AFAP1: variants seen among roughly 807,000 people sequenced by gnomAD.
The protein encoded by AFAP1 is actin filament-associated protein 1.
Under a neutral mutation model 93.9 loss-of-function variants are expected in AFAP1, and 75 were observed. That is an observed-to-expected ratio of 0.80 (90% CI 0.66 to 0.97). The LOEUF (loss-of-function observed/expected upper bound fraction) is 0.97. AFAP1 is among the 50% of genes least tolerant of loss of function. The pLI is 0.00. For synonymous variants in AFAP1, 517 were observed against 430.7 expected (o/e 1.20, Z -2.48); for missense variants, 1,201 against 1,050.8 (o/e 1.14, Z -1.98).
rs149786984 is a variant in AFAP1 at position 7,856,418 on chromosome 4, T to C, written c.226-844A>G. Among the ~76,000 whole-genome samples, 1,427 of 152,216 alleles carry C rather than the reference T, an allele frequency of 9.4e-3. 23 individuals carry two copies. The highest frequency in any genetic ancestry group is 0.033 in the African/African-American group (1,366 of 41,538). On this transcript the variant is annotated intron_variant, in intron 3 of 17. Coordinates refer to ENST00000420658, the MANE Select transcript of AFAP1 (RefSeq NM_001134647.2). ...CCACCACACCCGGCTAATTTTTGTA[T>C]TTTTAGTAGAGACAGGGTTTCACCG...
chr4:7,866,990 G>C (rs187579201), intron 3 of AFAP1, among the ~76,000 whole-genome samples: 84 of 150,500 alleles, frequency 5.6e-4, no homozygotes, highest in Non-Finnish European at 1.1e-3. Flanking sequence ...AGTGAGCTAT[G>C]AATGTGCCAA....
intron 16 of AFAP1, among the ~76,000 whole-genome samples, chr4:7,770,741 CCACT>C (rs1306092069): frequency 3.9e-5 from 6 of 152,150 alleles, no homozygotes; most frequent in African/African-American, 1.4e-4. Flanking sequence ...CCCAGCCCCT[CCACT>C]CAAACAGAAC....
intron 1 of AFAP1, among the ~76,000 whole-genome samples, chr4:7,931,220 G>A (rs894617203): frequency 5.9e-5 from 9 of 152,142 alleles, no homozygotes; most frequent in African/African-American, 2.2e-4. Context: ...CAAGGAACAG[G>A]GATCAGGGTG....
intron 12 of AFAP1, 115 bp from the exon 13 acceptor site, chr4:7,781,742 C>A: frequency 2.3e-6 from 3 of 1,322,338 alleles, no homozygotes; most frequent in Non-Finnish European, 3.1e-6. Flanking sequence ...GGCACCCCAA[C>A]ACTCTCCTGC....
chr4:7,759,250 A>G lies in AFAP1; in HGVS notation c.*4515T>C, dbSNP rs1379199060. Reference sequence around the variant, plus strand: ...CTTATGATCTGAAGATGTCCTTTTGAAAGTATCTTCCATGGCTACACTAAA... The same window carrying G: ...CTTATGATCTGAAGATGTCCTTTTGGAAGTATCTTCCATGGCTACACTAAA... On this transcript the variant is annotated 3_prime_UTR_variant, in exon 18 of 18. Transcript: ENST00000420658. The G allele has an allele frequency of 1.3e-5, 2 of 152,656 alleles. No individual in the cohort carries two copies. The highest frequency in any genetic ancestry group is 2.9e-5 in the Non-Finnish European group (2 of 68,042). 9.5% of individuals were successfully genotyped at this position (152,656 alleles called of 1,614,324 possible).
chr4:7,882,489 A>G (rs1327834337), intron 1 of AFAP1, among the ~76,000 whole-genome samples: 1 of 152,110 alleles, frequency 6.6e-6, no homozygotes, highest in African/African-American at 2.4e-5. Context: ...TCCTTACATC[A>G]GTGCAAATAT....
chr4:7,858,396 A>G (rs954418298), intron 3 of AFAP1, among the ~76,000 whole-genome samples: 1 of 152,200 alleles, frequency 6.6e-6, no homozygotes, highest in Non-Finnish European at 1.5e-5. Flanking sequence ...CTGCTAAAGA[A>G]TCACTCCACT....
Position 7,760,894 on chromosome 4 carries a change from T to C in AFAP1, c.*2871A>G, listed in dbSNP as rs761280057. 6.6e-6 allele frequency: 1 copy of C among 152,296 alleles called. No individual in the cohort carries two copies. The highest frequency in any genetic ancestry group is 1.5e-5 in the Non-Finnish European group (1 of 68,070). 9.4% of individuals were successfully genotyped at this position (152,296 alleles called of 1,614,324 possible). On this transcript the variant is annotated 3_prime_UTR_variant, in exon 18 of 18. Coordinates refer to ENST00000420658, the MANE Select transcript of AFAP1 (RefSeq NM_001134647.2). ...CGGTCGGCACCGTAGTACAGGTGGC[T>C]AGCCCCTGTGAACACGACCATCTGC...
intron 1 of AFAP1, among the ~76,000 whole-genome samples, chr4:7,903,932 G>A (rs1272002210): frequency 1.1e-4 from 17 of 151,156 alleles, no homozygotes; most frequent in Admixed American, 7.9e-4. Flanking sequence ...AAGCCATCTG[G>A]GCAATGGTTT....
At chr4:7,871,597 C>T (rs560433183) in intron 2 of AFAP1, among the ~76,000 whole-genome samples, 8 of 152,330 alleles carry the variant, frequency 5.3e-5, no homozygotes, top group Admixed American at 3.3e-4. Context: ...TTCTCCCTTC[C>T]GATCTGCCAG....
chr4:7,898,544 G>A lies in AFAP1; in HGVS notation c.-2-26464C>T, dbSNP rs116964067. On this transcript the variant is annotated intron_variant, in intron 1 of 17. Coordinates refer to ENST00000420658, the MANE Select transcript of AFAP1 (RefSeq NM_001134647.2). ...CAGAAAGAGAAAGTGCAAATGGGGT[G>A]AAATGTTTGGGCAATCTGAGGGAAG... 5.7e-4 allele frequency among the ~76,000 whole-genome samples: 87 copies of A among 151,620 alleles called. No homozygotes were observed. The East Asian group carries it at 0.015, about 27-fold the overall frequency.
intron 8 of AFAP1, among the ~76,000 whole-genome samples, chr4:7,812,643 T>C (rs1720147932): frequency 6.6e-6 from 1 of 151,792 alleles, no homozygotes; most frequent in Admixed American, 6.6e-5. Flanking sequence ...AAAGCTGGAG[T>C]ATCCAGGCAC....
chr4:7,919,287 C>G (rs61658349), intron 1 of AFAP1, among the ~76,000 whole-genome samples: 4,162 of 152,308 alleles, frequency 0.027, 188 homozygotes, highest in African/African-American at 0.095. Context: ...AAATGCAAAA[C>G]AGAGCCACAA....
chr4:7,919,168 A>T (rs1033742052), intron 1 of AFAP1, among the ~76,000 whole-genome samples: 2 of 152,224 alleles, frequency 1.3e-5, no homozygotes, highest in Admixed American at 1.3e-4. Flanking sequence ...CGGAAAGGGA[A>T]TCTGACTGAG....
intron 9 of AFAP1, among the ~76,000 whole-genome samples, chr4:7,807,276 T>A (rs1228478622): frequency 1.3e-5 from 2 of 152,244 alleles, no homozygotes; most frequent in African/African-American, 4.8e-5. Context: ...CCATAACTCC[T>A]GTATTGAATC....
At position 7,762,947 on chromosome 4, in the gene AFAP1, C is replaced by G. The variant is rs1335068169; in HGVS notation, c.*818G>C. On this transcript the variant is annotated 3_prime_UTR_variant, in exon 18 of 18. Coordinates refer to ENST00000420658, the MANE Select transcript of AFAP1 (RefSeq NM_001134647.2). ...CGACGTGGATTAAGGGCTGGGGATG[C>G]TAGCCCAAGGGGGAGGAGGGTGTAC... is the stretch of plus-strand genomic sequence containing the variant. 1 of 152,240 alleles carries G rather than the reference C, an allele frequency of 6.6e-6. No homozygotes were observed. Among genetic ancestry groups the G allele is most frequent in the African/African-American group, 2.4e-5 (1 of 41,454 alleles). 9.4% of individuals were successfully genotyped at this position (152,240 alleles called of 1,614,324 possible). A position where few individuals can be genotyped will look rare whatever the true frequency, so the allele number is the denominator to read the frequency against.
chr4:7,916,543 G>A (rs1288687290), intron 1 of AFAP1, among the ~76,000 whole-genome samples: 1 of 152,098 alleles, frequency 6.6e-6, no homozygotes, highest in Non-Finnish European at 1.5e-5. Flanking sequence ...CCAGCATCAA[G>A]TCCACTTACT....
chr4:7,877,909 G>A (rs1012671768), intron 1 of AFAP1, among the ~76,000 whole-genome samples: 1 of 152,170 alleles, frequency 6.6e-6, no homozygotes, highest in Admixed American at 6.5e-5. Context: ...CATATCGCCA[G>A]TTCCCAGGAC....
intron 1 of AFAP1, 135 bp from the exon 2 acceptor site, chr4:7,872,215 T>A: frequency 1.8e-6 from 2 of 1,117,720 alleles, no homozygotes; most frequent in Non-Finnish European, 2.4e-6. Flanking sequence ...AAAAACAAGT[T>A]TGCTGAAAGC....
Sources: gnomAD v4.1 joint callset for allele counts (sites outside exome capture counted in the v4.1 genomes callset) on GRCh38, gnomAD v4.1.1 for gene constraint, MANE v1.5 for transcripts, NCBI Gene and HGNC (gene_info 2026-07-23, HGNC 2026-07-21) for gene names.